The following GRM8 variants were observed in gnomAD, a reference collection of about 807,000 sequenced individuals.
The protein encoded by GRM8 is glutamate metabotropic receptor 8.
Under a neutral mutation model 87.2 loss-of-function variants are expected in GRM8, and 47 were observed. The ratio of observed to expected loss-of-function variants is 0.54; its 90% CI spans 0.43 to 0.69. GRM8 has a LOEUF of 0.69. GRM8 is among the 30% of genes least tolerant of loss of function. The pLI is 0.00. For synonymous variants in GRM8, 396 were observed against 404.5 expected, an observed-to-expected ratio of 0.98 and a Z score of 0.25; for missense variants, 1,019 against 1,139.2, an observed-to-expected ratio of 0.89 and a Z score of 1.52.
At chr7:126,819,436 TG>T (rs1794098168) in intron 6 of GRM8, among the ~76,000 whole-genome samples, 1 of 152,206 alleles carries the variant, frequency 6.6e-6, no homozygotes, top group South Asian at 2.1e-4. Flanking sequence ...ATATTTGTTG[TG>T]TCTATTGCCT....
At chr7:126,566,335 A>C (rs1373945696) in intron 8 of GRM8, among the ~76,000 whole-genome samples, 3 of 152,188 alleles carry the variant, frequency 2.0e-5, no homozygotes, top group Non-Finnish European at 4.4e-5. Flanking sequence ...TAGCAAAAAA[A>C]CTAACCCAAC....
At chr7:126,699,230 G>C (rs1423597747) in intron 7 of GRM8, among the ~76,000 whole-genome samples, 1 of 152,170 alleles carries the variant, frequency 6.6e-6, no homozygotes, top group Non-Finnish European at 1.5e-5. Flanking sequence ...TAGACGGAAT[G>C]AGGTTAGATT....
chr7:126,472,615 G>C (rs1042246284), intron 9 of GRM8, among the ~76,000 whole-genome samples: 1 of 152,202 alleles, frequency 6.6e-6, no homozygotes, highest in Non-Finnish European at 1.5e-5. Flanking sequence ...CCCATTTTCT[G>C]AGGAGAAATT....
At chr7:126,715,633 A>T (rs983725670) in intron 7 of GRM8, among the ~76,000 whole-genome samples, 1 of 152,188 alleles carries the variant, frequency 6.6e-6, no homozygotes, top group Non-Finnish European at 1.5e-5. Flanking sequence ...ATCTCCAAAA[A>T]AATTTCCAAT....
At chr7:127,214,506 G>A (rs569173968) in intron 2 of GRM8, among the ~76,000 whole-genome samples, 1 of 152,290 alleles carries the variant, frequency 6.6e-6, no homozygotes, top group South Asian at 2.1e-4. Context: ...AAAGAAAAGA[G>A]GTTTAATTGA....
Position 126,788,420 on chromosome 7 carries a change from A to AAAAAAAAAAAACAAAAAACAAAAAAC in GRM8, c.1157-18356_1157-18355insGTTTTTTGTTTTTTGTTTTTTTTTTT. On this transcript the variant is annotated intron_variant, in intron 6 of 10. Coordinates refer to ENST00000339582, the MANE Select transcript of GRM8 (RefSeq NM_000845.3). ...GCAAGACTCCATCTCAAAAAAAAAA[A>AAAAAAAAAAAACAAAAAACAAAAAAC]AAACCCTTTCAGATATCTTTAACAT... is the stretch of plus-strand genomic sequence containing the variant. Among the ~76,000 whole-genome samples, 50 of 81,128 alleles carry AAAAAAAAAAAACAAAAAACAAAAAAC rather than the reference A, an allele frequency of 6.2e-4. 7 individuals are homozygous for AAAAAAAAAAAACAAAAAACAAAAAAC. The highest frequency in any genetic ancestry group is 3.7e-3 in the East Asian group (10 of 2,688). 53.2% of individuals were successfully genotyped at this position (81,128 alleles called of 152,430 possible).
intron 7 of GRM8, among the ~76,000 whole-genome samples, chr7:126,660,307 G>A (rs1288335094): frequency 6.6e-6 from 1 of 152,058 alleles, no homozygotes; most frequent in Admixed American, 6.5e-5. Flanking sequence ...ACTAGTATTT[G>A]CCTCACAGAG....
Position 126,438,884 on chromosome 7 carries a change from A to C in GRM8, c.*235T>G. On this transcript the variant is annotated 3_prime_UTR_variant, in exon 11 of 11. Coordinates refer to ENST00000339582, the MANE Select transcript of GRM8 (RefSeq NM_000845.3). Reference sequence around the variant, plus strand: ...CTTTTGTGATTTGTTTTAACTGCTCATGAATAAGCAATACTTTAGCTTGAC... The same window carrying C: ...CTTTTGTGATTTGTTTTAACTGCTCCTGAATAAGCAATACTTTAGCTTGAC... The C allele has an allele frequency of 2.4e-6, 1 of 416,890 alleles. No homozygotes were observed. The highest frequency in any genetic ancestry group is 4.3e-6 in the Non-Finnish European group (1 of 232,646). The allele number at this position is 416,890 out of a possible 1,614,324, so 25.8% of individuals were successfully genotyped here. A position where few individuals can be genotyped will look rare whatever the true frequency, so the allele number is the denominator to read the frequency against.
At chr7:126,482,345 G>A (rs1212551336) in intron 9 of GRM8, among the ~76,000 whole-genome samples, 1 of 151,938 alleles carries the variant, frequency 6.6e-6, no homozygotes, top group African/African-American at 2.4e-5. Context: ...GGATATATTT[G>A]TATGCCCATG....
intron 8 of GRM8, among the ~76,000 whole-genome samples, chr7:126,563,743 T>C (rs75385827): frequency 0.024 from 3,727 of 152,264 alleles, 142 homozygotes; most frequent in African/African-American, 0.085. Context: ...CATAAAAAGA[T>C]ATCCTAGGTG....
chr7:126,931,862 ATACT>A (rs1207304417), intron 3 of GRM8, among the ~76,000 whole-genome samples: 15 of 152,186 alleles, frequency 9.9e-5, no homozygotes, highest in African/African-American at 3.6e-4. Context: ...TAAATTACAA[ATACT>A]TAATAATTTA....
At chr7:126,461,451 T>C (rs1452682801) in intron 9 of GRM8, among the ~76,000 whole-genome samples, 2 of 151,606 alleles carry the variant, frequency 1.3e-5, no homozygotes, top group Admixed American at 1.3e-4. Context: ...AGAGAGTTGT[T>C]TCCACCCCAG....
At chr7:127,236,358 T>C (rs1372754069) in intron 2 of GRM8, among the ~76,000 whole-genome samples, 1 of 152,246 alleles carries the variant, frequency 6.6e-6, no homozygotes, top group Non-Finnish European at 1.5e-5. Flanking sequence ...TGCCAGATAC[T>C]GGGTAATTTA....
chr7:126,470,237 T>C (rs145360764), intron 9 of GRM8, among the ~76,000 whole-genome samples: 9,952 of 151,814 alleles, frequency 0.066, 995 homozygotes, highest in African/African-American at 0.22. Context: ...ATGTGCACAA[T>C]GTGCAGGTTA....
intron 2 of GRM8, among the ~76,000 whole-genome samples, chr7:127,122,610 GA>G (rs1314677732): frequency 6.6e-6 from 1 of 150,522 alleles, no homozygotes; most frequent in East Asian, 1.9e-4. Context: ...TTAATTCTAA[GA>G]AAAAAAATGG....
intron 6 of GRM8, among the ~76,000 whole-genome samples, chr7:126,815,401 A>G (rs1451925743): frequency 6.6e-6 from 1 of 152,180 alleles, no homozygotes; most frequent in Admixed American, 6.6e-5. Flanking sequence ...AATCGTATAC[A>G]TAGAAAAGAC....
chr7:127,051,416 G>C (rs1250708692), intron 3 of GRM8, among the ~76,000 whole-genome samples: 1 of 151,982 alleles, frequency 6.6e-6, no homozygotes, highest in Admixed American at 6.6e-5. Context: ...GATGGCATTT[G>C]TACAATACCC....
At chr7:126,462,787 G>C (rs1052734064) in intron 9 of GRM8, among the ~76,000 whole-genome samples, 3 of 151,512 alleles carry the variant, frequency 2.0e-5, no homozygotes, top group Admixed American at 6.6e-5. Flanking sequence ...CTTTTGATGT[G>C]ATACAAAAAA....
chr7:126,473,184 G>T (rs1805501625), intron 9 of GRM8, among the ~76,000 whole-genome samples: 1 of 152,174 alleles, frequency 6.6e-6, no homozygotes. Flanking sequence ...TCCACCTAGA[G>T]CTTGCACCTT....
Sources: allele counts gnomAD v4.1 joint callset (sites outside exome capture counted in the v4.1 genomes callset), GRCh38; gene constraint gnomAD v4.1.1; transcripts MANE v1.5; gene names NCBI Gene and HGNC (gene_info 2026-07-23, HGNC 2026-07-21).